The following HOATZ variants were observed in gnomAD, a reference collection of about 807,000 sequenced individuals.
HOATZ encodes the protein cilia- and flagella-associated protein HOATZ.
A neutral mutation model predicts 24.9 loss-of-function variants in HOATZ; 26 were observed. The observed-to-expected ratio is 1.04, with a 90% CI of 0.76 to 1.45. The LOEUF (loss-of-function observed/expected upper bound fraction) is 1.45, where lower values mean the gene tolerates loss of function less well. Ranked by LOEUF, HOATZ falls within the 40% of genes most tolerant of loss-of-function variation. The pLI, the probability that HOATZ is intolerant of heterozygous loss-of-function variation, is 0.00. For missense variants in HOATZ, 226 were observed against 201.5 expected, an observed-to-expected ratio of 1.12 and a Z score of -0.74; for synonymous variants, 83 against 76.6, an observed-to-expected ratio of 1.08 and a Z score of -0.43.
intron 3 of HOATZ, among the ~76,000 whole-genome samples, chr11:111,518,221 G>A (rs1201886751): frequency 6.6e-6 from 1 of 152,120 alleles, no homozygotes; most frequent in African/African-American, 2.4e-5. Context: ...GAAGACAAGA[G>A]GCCTAACAAA....
chr11:111,525,565 C>G (rs185407175), intron 3 of HOATZ, among the ~76,000 whole-genome samples: 1 of 152,310 alleles, frequency 6.6e-6, no homozygotes, highest in Admixed American at 6.5e-5. Context: ...ACTGAAAACT[C>G]TGTAGGCTTC....
chr11:111,532,623 A>G (rs1033779344), intron 3 of HOATZ, among the ~76,000 whole-genome samples: 17 of 152,208 alleles, frequency 1.1e-4, no homozygotes, highest in Non-Finnish European at 2.1e-4. Flanking sequence ...GGGCCCTACC[A>G]ATACCTTGAT....
intron 3 of HOATZ, among the ~76,000 whole-genome samples, chr11:111,526,017 G>A (rs1335739636): frequency 2.6e-5 from 4 of 152,290 alleles, no homozygotes; most frequent in Middle Eastern, 3.4e-3. Context: ...GGGAATCAGG[G>A]AGGATTTCTA....
chr11:111,522,481 C>T (rs1160315677), intron 3 of HOATZ, among the ~76,000 whole-genome samples: 1 of 152,150 alleles, frequency 6.6e-6, no homozygotes, highest in East Asian at 1.9e-4. Context: ...CTCTATCTAA[C>T]GCAAGATGAA....
chr11:111,535,123 A>G (rs1867436118), intron 5 of HOATZ: 1 of 152,222 alleles, frequency 6.6e-6, no homozygotes, highest in Non-Finnish European at 1.5e-5. Context: ...AGAAACAGAA[A>G]GTGATAGAAT....
At chr11:111,520,483 A>C (rs1315794030) in intron 3 of HOATZ, among the ~76,000 whole-genome samples, 1 of 152,178 alleles carries the variant, frequency 6.6e-6, no homozygotes, top group Admixed American at 6.5e-5. Context: ...ATGGGTTTTT[A>C]ATCTGTTCTA....
At chr11:111,517,172 A>G (rs1867215383) in intron 3 of HOATZ, among the ~76,000 whole-genome samples, 1 of 152,218 alleles carries the variant, frequency 6.6e-6, no homozygotes, top group African/African-American at 2.4e-5. Flanking sequence ...TGCTTCCCTC[A>G]AACAAATTAG....
chr11:111,528,997 T>A (rs530827947), intron 3 of HOATZ, among the ~76,000 whole-genome samples: 1 of 152,244 alleles, frequency 6.6e-6, no homozygotes, highest in East Asian at 1.9e-4. Flanking sequence ...TGGTTTAGTT[T>A]CTTCTACCTG....
chr11:111,535,854 TCA>T (rs1344190881), intron 5 of HOATZ: 3 of 152,146 alleles, frequency 2.0e-5, no homozygotes, highest in Non-Finnish European at 2.9e-5. Flanking sequence ...ATACAGGGTT[TCA>T]CCGTCTTGGC....
chr11:111,518,321 T>C (rs1168517759), intron 3 of HOATZ, among the ~76,000 whole-genome samples: 2 of 152,142 alleles, frequency 1.3e-5, no homozygotes. Context: ...TACAATTCAA[T>C]TTGAACAATG....
chr11:111,535,424 A>G (rs565405162), intron 5 of HOATZ: 4 of 152,364 alleles, frequency 2.6e-5, no homozygotes, highest in African/African-American at 9.6e-5. Context: ...AATAGCATCA[A>G]TAGATACGTC....
rs78379567 is a variant in HOATZ at position 111,523,490 on chromosome 11, A to G, written c.339+7380A>G. On this transcript the variant is annotated intron_variant, in intron 3 of 5. Transcript: ENST00000375618. ...AGCGGCTGGCAGGAACCTAGGAGCA[A>G]TGGTTTAGTATTCACTGATTCAGTG... Among the ~76,000 whole-genome samples, 690 of 152,256 alleles carry G rather than the reference A, an allele frequency of 4.5e-3. 8 individuals carry two copies. The highest frequency in any genetic ancestry group is 0.016 in the African/African-American group (651 of 41,532).
chr11:111,532,290 T>C (rs1483712901), intron 3 of HOATZ, among the ~76,000 whole-genome samples: 1 of 151,906 alleles, frequency 6.6e-6, no homozygotes, highest in East Asian at 1.9e-4. Flanking sequence ...TTATTATGGG[T>C]TGAAATACGC....
intron 3 of HOATZ, among the ~76,000 whole-genome samples, chr11:111,524,567 C>T (rs1257814062): frequency 2.0e-5 from 3 of 152,070 alleles, no homozygotes; most frequent in African/African-American, 4.8e-5. Context: ...AACTTTGGTA[C>T]CAAAGAGAGG....
rs1565249118 is a variant in HOATZ, at chr11:111,524,871, C to CA, written c.339+8761_339+8762insA. On this transcript the variant is annotated intron_variant, in intron 3 of 5. Transcript: ENST00000375618. Reference sequence around the variant, plus strand: ...AATGTGCATATTTTCTTTTTCTTTTCTTTTTTTTTAGACAAGGTCTCACTC... The same window carrying CA: ...AATGTGCATATTTTCTTTTTCTTTTCATTTTTTTTTAGACAAGGTCTCACTC... The CA allele has an allele frequency of 1.2e-5, 5 of 433,904 alleles. No individual in the cohort carries two copies. In the Admixed American group the frequency reaches 1.3e-4, roughly 11 times the overall value. 26.9% of individuals were successfully genotyped at this position (433,904 alleles called of 1,614,324 possible).
chr11:111,525,413 T>C (rs1867327662), intron 3 of HOATZ, among the ~76,000 whole-genome samples: 1 of 152,202 alleles, frequency 6.6e-6, no homozygotes, highest in Non-Finnish European at 1.5e-5. Flanking sequence ...ATAGATAAAA[T>C]AGCTGGTAGT....
At chr11:111,529,217 T>C (rs1425278834) in intron 3 of HOATZ, among the ~76,000 whole-genome samples, 1 of 152,134 alleles carries the variant, frequency 6.6e-6, no homozygotes, top group Non-Finnish European at 1.5e-5. Context: ...TAGCATTAAA[T>C]GGAAATGCTT....
rs749965811 is a variant in HOATZ, at chr11:111,534,362, T to A, written c.400-50T>A. The A allele has an allele frequency of 7.4e-6, 10 of 1,351,862 alleles. No individual in the cohort carries two copies. The South Asian group carries it at 1.2e-4, about 16-fold the overall frequency. The allele number at this position is 1,351,862 out of a possible 1,614,324, so 83.7% of individuals were successfully genotyped here. ...TTTCAAATGAGTAAATTCCAATCAG[T>A]GCAAGAAGTAAAATTTTACCTTTTT... On this transcript the variant is annotated intron_variant, in intron 4 of 5. Coordinates refer to ENST00000375618, the MANE Select transcript of HOATZ (RefSeq NM_001100388.2).
intron 3 of HOATZ, among the ~76,000 whole-genome samples, chr11:111,527,937 C>T (rs4938743): frequency 0.86 from 130,492 of 152,204 alleles, 58,101 homozygotes; most frequent in East Asian, 1. Flanking sequence ...TGAAATGGAA[C>T]CCACTGAGGA....
Sources: gnomAD v4.1 joint callset for allele counts (sites outside exome capture counted in the v4.1 genomes callset) on GRCh38, gnomAD v4.1.1 for gene constraint, MANE v1.5 for transcripts, NCBI Gene and HGNC (gene_info 2026-07-23, HGNC 2026-07-21) for gene names.